Variants in PTPN14 observed in about 807,000 individuals in gnomAD.
The protein encoded by PTPN14 is protein tyrosine phosphatase non-receptor type 14, also known as tyrosine-protein phosphatase non-receptor type 14.
In PTPN14, 53 loss-of-function variants were observed where a neutral mutation model predicts 126.8. The ratio of observed to expected loss-of-function variants is 0.42; its 90% confidence interval spans 0.34 to 0.53. PTPN14 has a LOEUF of 0.53. Ranked by LOEUF, PTPN14 falls within the 20% of genes least tolerant of loss-of-function variation. PTPN14 has a pLI of 0.08. For synonymous variants in PTPN14, 630 were observed against 599.3 expected, an observed-to-expected ratio of 1.05 and a Z score of -0.75; for missense variants, 1,257 against 1,552.9, an observed-to-expected ratio of 0.81 and a Z score of 3.20.
chr1:214,429,249 T>C (rs759897344), intron 3 of PTPN14, among the ~76,000 whole-genome samples: 3 of 152,244 alleles, frequency 2.0e-5, no homozygotes, highest in African/African-American at 2.4e-5. Context: ...GACTCCTTTA[T>C]AGTTTACCAC....
chr1:214,425,883 T>C (rs1409666444), intron 3 of PTPN14, among the ~76,000 whole-genome samples: 2 of 152,024 alleles, frequency 1.3e-5, no homozygotes. Context: ...AGATAGCCAC[T>C]ATCCCATTTA....
At chr1:214,523,424 C>T (rs564301387) in intron 1 of PTPN14, among the ~76,000 whole-genome samples, 1 of 152,294 alleles carries the variant, frequency 6.6e-6, no homozygotes, top group South Asian at 2.1e-4. Flanking sequence ...TACACAGATA[C>T]TTACCATTAT....
chr1:214,456,001 G>GT (rs1417994246), intron 2 of PTPN14, among the ~76,000 whole-genome samples: 1 of 151,944 alleles, frequency 6.6e-6, no homozygotes, highest in South Asian at 2.1e-4. Flanking sequence ...GTTTGGGGTG[G>GT]TTTTTATTTG....
At chr1:214,426,720 T>C (rs1416638516) in intron 3 of PTPN14, among the ~76,000 whole-genome samples, 2 of 152,210 alleles carry the variant, frequency 1.3e-5, no homozygotes, top group Non-Finnish European at 2.9e-5. Flanking sequence ...CTTTTCATCC[T>C]AGACTTAAGA....
At chr1:214,490,524 G>A (rs566930341) in intron 1 of PTPN14, among the ~76,000 whole-genome samples, 2 of 152,178 alleles carry the variant, frequency 1.3e-5, no homozygotes, top group East Asian at 3.9e-4. Context: ...GAAGATGTTA[G>A]AATTCACAGT....
intron 1 of PTPN14, among the ~76,000 whole-genome samples, chr1:214,492,720 C>CA (rs1266752837): frequency 6.6e-6 from 1 of 151,920 alleles, no homozygotes; most frequent in Non-Finnish European, 1.5e-5. Context: ...CCAGCCTGGC[C>CA]AACATGGCAA....
rs1442539632 is a variant in PTPN14, at chr1:214,397,961, A to G, written c.710T>C (p.Met237Thr). 7 of 1,613,098 alleles carry G rather than the reference A, an allele frequency of 4.3e-6. No individual in the cohort carries two copies. The highest frequency in any genetic ancestry group is 5.1e-6 in the Non-Finnish European group (6 of 1,179,166). The change falls in exon 8 of 19, where the codon ATG becomes ACG. Residue 237 changes from methionine (M) to threonine (T), a missense_variant. Transcript: ENST00000366956. Reference protein sequence around the residue: ...GNCVHLGIFFMGIFVRNRIGR... With the variant: ...GNCVHLGIFFTGIFVRNRIGR... ...AATTCTGTTCCTCACGAAAATCCCC[A>G]TAAAGAAAATGCCAAGGTGTACACA...
chr1:214,480,173 T>G (rs959073069), intron 1 of PTPN14, among the ~76,000 whole-genome samples: 1 of 152,260 alleles, frequency 6.6e-6, no homozygotes. Context: ...TCTTCAAGAC[T>G]GTTATTGAGT....
intron 1 of PTPN14, among the ~76,000 whole-genome samples, chr1:214,536,526 T>C (rs148503029): frequency 0.03 from 4,603 of 152,248 alleles, 222 homozygotes; most frequent in African/African-American, 0.1. Flanking sequence ...GGCTCACACC[T>C]ATAATCCCAG....
intron 1 of PTPN14, among the ~76,000 whole-genome samples, chr1:214,549,553 T>G (rs1470211434): frequency 6.6e-6 from 1 of 152,218 alleles, no homozygotes; most frequent in African/African-American, 2.4e-5. Flanking sequence ...GTCATTTCTA[T>G]GGCACAAGCT....
chr1:214,547,599 G>A (rs1433746208), intron 1 of PTPN14, among the ~76,000 whole-genome samples: 1 of 152,202 alleles, frequency 6.6e-6, no homozygotes, highest in Non-Finnish European at 1.5e-5. Flanking sequence ...TTCAAAAAGG[G>A]AAATCAAGGC....
intron 1 of PTPN14, among the ~76,000 whole-genome samples, chr1:214,470,950 G>A (rs1660741224): frequency 6.7e-6 from 1 of 149,966 alleles, no homozygotes; most frequent in Admixed American, 6.7e-5. Context: ...ACTTGAACCT[G>A]GGAGGCAGAG....
At position 214,454,572 on chromosome 1, in the gene PTPN14, A is replaced by G. The variant is rs1453022393; in HGVS notation, c.175-2598T>C. Among the ~76,000 whole-genome samples, 3 of 152,138 alleles carry G rather than the reference A, an allele frequency of 2.0e-5. No homozygotes were observed. In the East Asian group the frequency reaches 5.8e-4, roughly 29 times the overall value. Reference sequence around the variant, plus strand: ...CACACAAAATGCACACTACAGCTGCACATACACACACTCCTGTGCATACAC... The same window carrying G: ...CACACAAAATGCACACTACAGCTGCGCATACACACACTCCTGTGCATACAC... On this transcript the variant is annotated intron_variant, in intron 2 of 18. Transcript: ENST00000366956.
intron 3 of PTPN14, among the ~76,000 whole-genome samples, chr1:214,444,806 T>G (rs941840450): frequency 2.6e-5 from 4 of 152,196 alleles, no homozygotes; most frequent in Non-Finnish European, 5.9e-5. Context: ...CTTCACTTAG[T>G]CTGGCTTTCC....
At chr1:214,551,161 T>C (rs535051359) in intron 1 of PTPN14, 22 bp downstream of exon 1, 1 of 152,402 alleles carries the variant, frequency 6.6e-6, no homozygotes, top group South Asian at 2.1e-4. Context: ...CGGGCCCAAC[T>C]CCCGGCTTGG....
At chr1:214,444,640 G>C (rs1224678169) in intron 3 of PTPN14, among the ~76,000 whole-genome samples, 4 of 152,106 alleles carry the variant, frequency 2.6e-5, no homozygotes, top group Admixed American at 2.6e-4. Flanking sequence ...GAGTCTAAGG[G>C]GGAAAAGTAT....
chr1:214,419,540 C>T (rs904310281), intron 3 of PTPN14, among the ~76,000 whole-genome samples: 2 of 152,154 alleles, frequency 1.3e-5, no homozygotes, highest in Non-Finnish European at 2.9e-5. Flanking sequence ...AGAAAACTTT[C>T]TTCATAACTA....
At chr1:214,414,241 C>T (rs1213959941) in intron 4 of PTPN14, among the ~76,000 whole-genome samples, 1 of 152,156 alleles carries the variant, frequency 6.6e-6, no homozygotes, top group Non-Finnish European at 1.5e-5. Flanking sequence ...ATGTTTAAAG[C>T]TATCACACTC....
At chr1:214,359,354 C>T (rs1171013342) in intron 18 of PTPN14, among the ~76,000 whole-genome samples, 1 of 151,350 alleles carries the variant, frequency 6.6e-6, no homozygotes, top group Admixed American at 6.6e-5. Flanking sequence ...GCTGGGATTA[C>T]AGGCACGCAC....
Sources: allele counts gnomAD v4.1 joint callset (sites outside exome capture counted in the v4.1 genomes callset), GRCh38; gene constraint gnomAD v4.1.1; transcripts MANE v1.5; gene names NCBI Gene and HGNC (gene_info 2026-07-23, HGNC 2026-07-21).